The following HECW1 variants were observed in gnomAD, a reference collection of about 807,000 sequenced individuals.
HECW1 encodes HECT, C2 and WW domain containing E3 ubiquitin protein ligase 1.
A neutral mutation model predicts 182.3 loss-of-function variants in HECW1; 61 were observed. The ratio of observed to expected loss-of-function variants is 0.33; its 90% confidence interval spans 0.27 to 0.41. The LOEUF (loss-of-function observed/expected upper bound fraction) is 0.41, where lower values mean the gene tolerates loss of function less well. Among genes scored for constraint, HECW1 ranks in the 10% least tolerant of loss-of-function variants. HECW1 has a pLI of 1.00. For synonymous variants in HECW1, 859 were observed against 832.6 expected, an observed-to-expected ratio of 1.03 and a Z score of -0.55; for missense variants, 1,739 against 2,108.9, an observed-to-expected ratio of 0.82 and a Z score of 3.44.
intron 5 of HECW1, among the ~76,000 whole-genome samples, chr7:43,356,047 C>T (rs1262854205): frequency 2.0e-5 from 3 of 151,898 alleles, no homozygotes; most frequent in Admixed American, 6.6e-5. Context: ...AGTAATCAGT[C>T]CTTACTTATC....
chr7:43,256,445 A>G (rs1800580094), intron 3 of HECW1, among the ~76,000 whole-genome samples: 1 of 152,090 alleles, frequency 6.6e-6, no homozygotes, highest in African/African-American at 2.4e-5. Flanking sequence ...CCCTGTCGCT[A>G]CTAAAAATAC....
intron 2 of HECW1, among the ~76,000 whole-genome samples, chr7:43,203,811 A>T (rs1186327833): frequency 6.6e-6 from 1 of 152,208 alleles, no homozygotes; most frequent in Non-Finnish European, 1.5e-5. Flanking sequence ...ACATATCAAA[A>T]GGATTATTGT....
At chr7:43,311,636 A>AT (rs1169469374) in intron 3 of HECW1, 127 bp from the exon 4 acceptor site, 13 of 865,310 alleles carry the variant, frequency 1.5e-5, no homozygotes, top group Non-Finnish European at 2.4e-5. Context: ...GCCATGTTTC[A>AT]TATCTGCCCA....
At chr7:43,129,478 A>G (rs1381112205) in intron 2 of HECW1, among the ~76,000 whole-genome samples, 1 of 152,152 alleles carries the variant, frequency 6.6e-6, no homozygotes, top group Non-Finnish European at 1.5e-5. Context: ...AATAGACTAC[A>G]GTATAGTGTA....
At chr7:43,198,275 C>A (rs1163722405) in intron 2 of HECW1, among the ~76,000 whole-genome samples, 1 of 151,064 alleles carries the variant, frequency 6.6e-6, no homozygotes, top group Non-Finnish European at 1.5e-5. Context: ...ACACACCCCA[C>A]ACTCACACAC....
chr7:43,291,173 A>C (rs1805353301), intron 3 of HECW1, among the ~76,000 whole-genome samples: 1 of 152,222 alleles, frequency 6.6e-6, no homozygotes, highest in South Asian at 2.1e-4. Flanking sequence ...TCAGCAAGGC[A>C]ATTTTTACTT....
chr7:43,507,347 T>G, intron 22 of HECW1, 90 bp downstream of exon 22: 2 of 1,274,436 alleles, frequency 1.6e-6, no homozygotes, highest in South Asian at 3.0e-5. Context: ...TTTTTGAGAC[T>G]GGCTACTCTG....
At chr7:43,424,015 G>T (rs1365953563) in intron 8 of HECW1, among the ~76,000 whole-genome samples, 1 of 152,142 alleles carries the variant, frequency 6.6e-6, no homozygotes, top group African/African-American at 2.4e-5. Flanking sequence ...CAAGAATCAG[G>T]AATGATGGAG....
Position 43,370,470 on chromosome 7 carries a change from T to C in HECW1, c.555+9490T>C, listed in dbSNP as rs7799671. Among the ~76,000 whole-genome samples, 1,378 of 152,304 alleles carry C rather than the reference T, an allele frequency of 9.0e-3. 28 individuals carry two copies. The highest frequency in any genetic ancestry group is 0.029 in the African/African-American group (1,196 of 41,568). On this transcript the variant is annotated intron_variant, in intron 6 of 29. Coordinates refer to ENST00000395891, the MANE Select transcript of HECW1 (RefSeq NM_015052.5). ...TTACTTACAAAACTAAACATACCCTTACCATATGATTCAGCAATCTCACTC... is the reference window on the plus strand; with the variant it reads ...TTACTTACAAAACTAAACATACCCTCACCATATGATTCAGCAATCTCACTC...
chr7:43,286,801 C>T (rs1804700193), intron 3 of HECW1, among the ~76,000 whole-genome samples: 1 of 152,148 alleles, frequency 6.6e-6, no homozygotes, highest in South Asian at 2.1e-4. Flanking sequence ...GGACAGAGTT[C>T]AGGAAGCTCC....
At chr7:43,277,829 C>G (rs1048584835) in intron 3 of HECW1, among the ~76,000 whole-genome samples, 7 of 152,204 alleles carry the variant, frequency 4.6e-5, no homozygotes, top group Non-Finnish European at 1.0e-4. Context: ...GGCCCATTTT[C>G]AGCCCTCATC....
chr7:43,368,845 T>C (rs1309825245), intron 6 of HECW1, among the ~76,000 whole-genome samples: 1 of 152,170 alleles, frequency 6.6e-6, no homozygotes, highest in African/African-American at 2.4e-5. Flanking sequence ...AAACGCCAAA[T>C]AGCATTCTGT....
chr7:43,363,543 A>G (rs1019193765), intron 6 of HECW1, among the ~76,000 whole-genome samples: 2 of 152,194 alleles, frequency 1.3e-5, no homozygotes, highest in African/African-American at 2.4e-5. Context: ...CTAGTCCCCA[A>G]GCATGTGAGA....
intron 26 of HECW1, among the ~76,000 whole-genome samples, chr7:43,542,771 G>A (rs1313915744): frequency 6.6e-6 from 1 of 152,142 alleles, no homozygotes; most frequent in African/African-American, 2.4e-5. Context: ...GCGAATAAGG[G>A]ATCTCATTCA....
chr7:43,141,776 G>A (rs983047814), intron 2 of HECW1, among the ~76,000 whole-genome samples: 4 of 152,166 alleles, frequency 2.6e-5, no homozygotes, highest in Admixed American at 2.6e-4. Flanking sequence ...GAGATTACAG[G>A]TGTGAACCAC....
intron 5 of HECW1, among the ~76,000 whole-genome samples, chr7:43,346,440 G>C (rs1464677375): frequency 1.3e-5 from 2 of 152,226 alleles, no homozygotes; most frequent in East Asian, 3.9e-4. Context: ...CAATATGTGG[G>C]TTGTATGTTT....
intron 17 of HECW1, 113 bp downstream of exon 17, chr7:43,479,857 G>A (rs1585035439): frequency 7.7e-7 from 1 of 1,295,606 alleles, no homozygotes; most frequent in East Asian, 2.3e-5. Context: ...CGCTGGAAGA[G>A]ATTAAGCCAT....
intron 5 of HECW1, among the ~76,000 whole-genome samples, chr7:43,323,897 G>A (rs1394937328): frequency 1.3e-5 from 2 of 152,056 alleles, no homozygotes; most frequent in African/African-American, 4.8e-5. Flanking sequence ...AGCCAGGCAC[G>A]GTGGCATGAG....
intron 4 of HECW1, among the ~76,000 whole-genome samples, chr7:43,320,257 G>A (rs1809926830): frequency 6.6e-6 from 1 of 152,218 alleles, no homozygotes; most frequent in Non-Finnish European, 1.5e-5. Context: ...CTCGCCCTTA[G>A]GCTCAAATAG....
Sources: allele counts gnomAD v4.1 joint callset (sites outside exome capture counted in the v4.1 genomes callset), GRCh38; gene constraint gnomAD v4.1.1; transcripts MANE v1.5; gene names NCBI Gene and HGNC (gene_info 2026-07-23, HGNC 2026-07-21).